The following PTPRM variants were observed in gnomAD, a reference collection of about 807,000 sequenced individuals.
The protein encoded by PTPRM is protein tyrosine phosphatase receptor type M.
PTPRM carries 47 observed loss-of-function variants against 186.7 expected under a neutral mutation model. The ratio of observed to expected loss-of-function variants is 0.25; its 90% CI spans 0.20 to 0.32. The LOEUF (loss-of-function observed/expected upper bound fraction) is 0.32. Ranked by LOEUF, PTPRM falls within the 10% of genes least tolerant of loss-of-function variation. The pLI is 1.00. For synonymous variants in PTPRM, 668 were observed against 674.9 expected (o/e 0.99, Z 0.16); for missense variants, 1,494 against 1,865.0 (o/e 0.80, Z 3.66).
chr18:7,666,544 C>T (rs1283138687), intron 1 of PTPRM, among the ~76,000 whole-genome samples: 1 of 152,108 alleles, frequency 6.6e-6, no homozygotes, highest in Non-Finnish European at 1.5e-5. Flanking sequence ...AGTACTTTGT[C>T]CCAACACTAG....
chr18:8,087,652 A>G (rs1282168863), intron 10 of PTPRM, among the ~76,000 whole-genome samples: 1 of 152,114 alleles, frequency 6.6e-6, no homozygotes, highest in Non-Finnish European at 1.5e-5. Flanking sequence ...AGAGGGAACC[A>G]CTCTTGTTAA....
rs2094755314 is a variant in PTPRM, at chr18:8,270,328, A to G, written c.2754+16914A>G. On this transcript the variant is annotated intron_variant, in intron 19 of 32. Coordinates refer to ENST00000580170, the MANE Select transcript of PTPRM (RefSeq NM_001105244.2). ...TGGTCAATAGGTATAATAAAAGGTG[A>G]TTAACATCACTAATCATCAAGGAAA... 3 of 152,080 alleles carry G rather than the reference A, an allele frequency of 2.0e-5. No homozygotes were observed. In the South Asian group the frequency reaches 6.2e-4, roughly 31 times the overall value. The allele number at this position is 152,080 out of a possible 1,614,324, so 9.4% of individuals were successfully genotyped here. A position where few individuals can be genotyped will look rare whatever the true frequency, so the allele number is the denominator to read the frequency against.
intron 9 of PTPRM, among the ~76,000 whole-genome samples, chr18:8,080,286 C>A (rs1466960600): frequency 6.6e-6 from 1 of 152,120 alleles, no homozygotes; most frequent in Non-Finnish European, 1.5e-5. Context: ...CAAGTATTTT[C>A]ATTGTATCCT....
chr18:8,250,807 A>G (rs933106656), intron 17 of PTPRM, among the ~76,000 whole-genome samples: 3 of 151,164 alleles, frequency 2.0e-5, no homozygotes, highest in Admixed American at 1.3e-4. Context: ...AAAAAAGTAG[A>G]AAAAAAAATT....
chr18:7,981,291 G>A (rs1466681596), intron 7 of PTPRM, among the ~76,000 whole-genome samples: 1 of 151,946 alleles, frequency 6.6e-6, no homozygotes, highest in East Asian at 1.9e-4. Flanking sequence ...TAATATCCCT[G>A]CTACACTGGA....
intron 20 of PTPRM, among the ~76,000 whole-genome samples, chr18:8,299,530 T>G (rs1416895847): frequency 6.6e-6 from 1 of 150,994 alleles, no homozygotes; most frequent in Non-Finnish European, 1.5e-5. Flanking sequence ...GAGGTTGCAG[T>G]GAGCCGATCA....
At chr18:7,900,385 A>G (rs2049597592) in intron 3 of PTPRM, among the ~76,000 whole-genome samples, 1 of 152,202 alleles carries the variant, frequency 6.6e-6, no homozygotes, top group African/African-American at 2.4e-5. Context: ...GCGATATAAA[A>G]ACAGGTGGTG....
At chr18:7,717,359 C>T (rs1305499254) in intron 1 of PTPRM, among the ~76,000 whole-genome samples, 1 of 151,848 alleles carries the variant, frequency 6.6e-6, no homozygotes, top group South Asian at 2.1e-4. Flanking sequence ...GGTGTAACTT[C>T]GAAGAAGAAT....
At chr18:8,087,338 T>C (rs115877282) in intron 10 of PTPRM, among the ~76,000 whole-genome samples, 3,394 of 152,194 alleles carry the variant, frequency 0.022, 53 homozygotes, top group African/African-American at 0.047. Flanking sequence ...AACATGGCCG[T>C]ATTAGTCCGT....
chr18:8,115,875 C>T (rs1022549207), intron 13 of PTPRM, among the ~76,000 whole-genome samples: 1 of 152,176 alleles, frequency 6.6e-6, no homozygotes, highest in Non-Finnish European at 1.5e-5. Context: ...GTTAGCTCAA[C>T]AAATATTTCT....
chr18:7,855,104 T>C (rs1890480397), intron 2 of PTPRM, among the ~76,000 whole-genome samples: 1 of 152,198 alleles, frequency 6.6e-6, no homozygotes, highest in Non-Finnish European at 1.5e-5. Flanking sequence ...TGACTCATGC[T>C]ATAATGTAGG....
At chr18:8,389,236 G>A (rs1025583066) in intron 31 of PTPRM, among the ~76,000 whole-genome samples, 10 of 152,208 alleles carry the variant, frequency 6.6e-5, no homozygotes, top group Admixed American at 6.5e-5. Flanking sequence ...ATAATGCATC[G>A]CTCCCCCCGG....
intron 2 of PTPRM, among the ~76,000 whole-genome samples, chr18:7,811,731 G>A (rs1039060584): frequency 1.3e-5 from 2 of 152,088 alleles, no homozygotes; most frequent in African/African-American, 4.8e-5. Flanking sequence ...ATTCCTGAGA[G>A]TGACACATGG....
At chr18:7,611,755 T>G (rs1187188522) in intron 1 of PTPRM, among the ~76,000 whole-genome samples, 2 of 152,152 alleles carry the variant, frequency 1.3e-5, no homozygotes. Context: ...AGGGAGAGTT[T>G]CCTTGCACAA....
At chr18:8,250,647 G>A (rs1269497682) in intron 17 of PTPRM, among the ~76,000 whole-genome samples, 1 of 151,768 alleles carries the variant, frequency 6.6e-6, no homozygotes, top group Admixed American at 6.6e-5. Context: ...AAATTAGCCA[G>A]GCATGGTGGA....
At chr18:7,591,998 CT>C (rs1355251454) in intron 1 of PTPRM, among the ~76,000 whole-genome samples, 6 of 145,444 alleles carry the variant, frequency 4.1e-5, no homozygotes, top group African/African-American at 1.3e-4. Context: ...TCCCAGAAAA[CT>C]TTGAAGTTTA....
At chr18:7,665,250 T>G (rs558294465) in intron 1 of PTPRM, among the ~76,000 whole-genome samples, 2 of 152,318 alleles carry the variant, frequency 1.3e-5, no homozygotes, top group East Asian at 3.9e-4. Context: ...CCAAGCAATT[T>G]TCCTTATGAG....
At chr18:8,368,107 T>G (rs189727628) in intron 23 of PTPRM, among the ~76,000 whole-genome samples, 1 of 151,722 alleles carries the variant, frequency 6.6e-6, no homozygotes, top group African/African-American at 2.4e-5. Context: ...ATATATGTAG[T>G]TTTATATCTA....
chr18:7,691,335 A>G lies in PTPRM; in HGVS notation c.74-82814A>G, dbSNP rs1405678601. Among the ~76,000 whole-genome samples, 3 of 152,138 alleles carry G rather than the reference A, an allele frequency of 2.0e-5. No homozygotes were observed. In the East Asian group the frequency reaches 5.8e-4, roughly 29 times the overall value. The stretch of plus-strand genomic sequence containing the variant: ...ATATTTTGAGATTTAAATCTCTGTT[A>G]AACTAGCCCCATTCTGACTGCCAGG... On this transcript the variant is annotated intron_variant, in intron 1 of 32. Transcript: ENST00000580170.
Sources: allele counts gnomAD v4.1 joint callset (sites outside exome capture counted in the v4.1 genomes callset), GRCh38; gene constraint gnomAD v4.1.1; transcripts MANE v1.5; gene names NCBI Gene and HGNC (gene_info 2026-07-23, HGNC 2026-07-21).